Variants in NAV3 observed in about 807,000 individuals in gnomAD.
NAV3 encodes neuron navigator 3.
NAV3 carries 87 observed loss-of-function variants against 244.7 expected under a neutral mutation model. The ratio of observed to expected loss-of-function variants is 0.36; its 90% CI spans 0.30 to 0.42. The LOEUF is 0.42. NAV3 is among the 20% of genes least tolerant of loss of function. The pLI is 1.00. For missense variants in NAV3, 2,663 were observed against 2,893.3 expected, an observed-to-expected ratio of 0.92 and a Z score of 1.83; for synonymous variants, 1,126 against 1,042.2, an observed-to-expected ratio of 1.08 and a Z score of -1.55.
At chr12:77,862,261 A>G (rs2136345616) in intron 1 of NAV3, among the ~76,000 whole-genome samples, 1 of 151,940 alleles carries the variant, frequency 6.6e-6, no homozygotes, top group South Asian at 2.1e-4. Flanking sequence ...AGTTAAATAT[A>G]TAGAAGAGAG....
chr12:77,961,212 A>G lies in NAV3; in HGVS notation c.415-5017A>G, dbSNP rs910273310. Among the ~76,000 whole-genome samples the G allele has an allele frequency of 2.7e-5, 3 of 109,566 alleles. No individual in the cohort carries two copies. The East Asian group carries it at 7.6e-4, about 28-fold the overall frequency. The allele number at this position is 109,566 out of a possible 152,430, so 71.9% of individuals were successfully genotyped here. A position where few individuals can be genotyped will look rare whatever the true frequency, so the allele number is the denominator to read the frequency against. On this transcript the variant is annotated intron_variant, in intron 3 of 39. Transcript: ENST00000397909. ...AATATATAATATATATTTTAATAAC[A>G]GGTATTACTATATATGTAATAATAT...
At chr12:78,154,320 TA>T (rs1169021008) in intron 22 of NAV3, among the ~76,000 whole-genome samples, 2 of 74,118 alleles carry the variant, frequency 2.7e-5, no homozygotes, top group African/African-American at 8.6e-5. Context: ...ATAGTATATA[TA>T]TAGTATATAT....
At chr12:77,626,331 A>G (rs1444877062) in intron 2 of NAV3, among the ~76,000 whole-genome samples, 1 of 152,156 alleles carries the variant, frequency 6.6e-6, no homozygotes, top group East Asian at 1.9e-4. Context: ...TAAAGTGACC[A>G]ATTATATGAA....
intron 30 of NAV3, among the ~76,000 whole-genome samples, chr12:78,183,243 C>T (rs1245762533): frequency 6.6e-6 from 1 of 151,904 alleles, no homozygotes; most frequent in African/African-American, 2.4e-5. Context: ...GTTGTTTCAT[C>T]AGGTGACCAT....
rs66686266 is a variant in NAV3 at position 78,064,426 on chromosome 12, T to TCTGTCTGTCTGTCTGTCTGC, written c.2636+5314_2636+5315insTCTGTCTGTCTGTCTGCCTG. 1.7e-4 allele frequency among the ~76,000 whole-genome samples: 23 copies of TCTGTCTGTCTGTCTGTCTGC among 136,292 alleles called. No individual in the cohort carries two copies. In the Middle Eastern group the frequency reaches 0.011, roughly 66 times the overall value. 89.4% of individuals were successfully genotyped at this position (136,292 alleles called of 152,430 possible). Reference sequence around the variant, plus strand: ...GTCTGTCTGTCTGTCTGTCTGTCTGTCTGCCTGCCTGCCTGCCTGCCTGCC... The same window carrying TCTGTCTGTCTGTCTGTCTGC: ...GTCTGTCTGTCTGTCTGTCTGTCTGTCTGTCTGTCTGTCTGTCTGCCTGCCTGCCTGCCTGCCTGCCTGCC... On this transcript the variant is annotated intron_variant, in intron 12 of 39. Coordinates refer to ENST00000397909, the MANE Select transcript of NAV3 (RefSeq NM_001024383.2).
At chr12:77,960,232 A>C (rs1891761604) in intron 3 of NAV3, among the ~76,000 whole-genome samples, 1 of 151,818 alleles carries the variant, frequency 6.6e-6, no homozygotes, top group Non-Finnish European at 1.5e-5. Flanking sequence ...TAATTTGACT[A>C]CTAATATTAT....
At chr12:78,203,818 T>C (rs1417699879) in intron 38 of NAV3, among the ~76,000 whole-genome samples, 1 of 150,580 alleles carries the variant, frequency 6.6e-6, no homozygotes, top group South Asian at 2.1e-4. Context: ...TCACTTTTTT[T>C]CTGTGCCCTT....
Position 78,177,251 on chromosome 12 carries a change from G to A in NAV3, c.5235G>A (p.Lys1745=), listed in dbSNP as rs1958272353. ...ATTCATCCCTTCCGGCATCCCCCAA[G>A]TTACCCCATAATGCTGGTGACTGTG... The part of the protein sequence containing the change: ...LTDSSLPASP[K]LPHNAGDCGS... Residue 1745 remains lysine, a synonymous_variant, in exon 27 of 40, where the codon AAG becomes AAA. Transcript: ENST00000397909. 1.2e-6 allele frequency: 2 copies of A among 1,613,414 alleles called. No individual in the cohort carries two copies. Among genetic ancestry groups the A allele is most frequent in the African/African-American group, 2.7e-5 (2 of 74,856 alleles).
At chr12:78,135,381 A>AAATG (rs1210348609) in intron 18 of NAV3, among the ~76,000 whole-genome samples, 1 of 152,318 alleles carries the variant, frequency 6.6e-6, no homozygotes, top group East Asian at 1.9e-4. Flanking sequence ...AAGGGTTTGT[A>AAATG]AATGCAAACT....
chr12:77,593,753 C>A (rs746760260), intron 2 of NAV3, among the ~76,000 whole-genome samples: 7 of 151,210 alleles, frequency 4.6e-5, no homozygotes, highest in African/African-American at 1.7e-4. Context: ...GGATTAGAGG[C>A]GTGAGCCACC....
At chr12:77,627,612 C>G (rs973911613) in intron 2 of NAV3, among the ~76,000 whole-genome samples, 1 of 152,060 alleles carries the variant, frequency 6.6e-6, no homozygotes, top group Admixed American at 6.6e-5. Flanking sequence ...AGTTAGTAAA[C>G]AATGTGAAGG....
At chr12:77,578,120 ATATAATTT>A (rs1869178702) in intron 2 of NAV3, among the ~76,000 whole-genome samples, 1 of 152,218 alleles carries the variant, frequency 6.6e-6, no homozygotes, top group Admixed American at 6.5e-5. Context: ...CCTATTTTGC[ATATAATTT>A]TTTACAGTAT....
At chr12:77,599,669 T>C (rs1003488100) in intron 2 of NAV3, among the ~76,000 whole-genome samples, 1 of 151,860 alleles carries the variant, frequency 6.6e-6, no homozygotes, top group Non-Finnish European at 1.5e-5. Context: ...CCCTTTTTTT[T>C]ATCATCAGTT....
upstream of NAV3, among the ~76,000 whole-genome samples, chr12:77,825,964 A>T (rs573829604): frequency 6.6e-6 from 1 of 152,172 alleles, no homozygotes; most frequent in Admixed American, 6.5e-5. Flanking sequence ...AAAAATTCAA[A>T]TTAAAACTGC....
At chr12:78,004,374 C>A (rs980356622) in intron 7 of NAV3, among the ~76,000 whole-genome samples, 12 of 152,060 alleles carry the variant, frequency 7.9e-5, no homozygotes, top group Admixed American at 7.2e-4. Context: ...GGAGTGGAAG[C>A]AAATTGCTAT....
At chr12:78,150,639 AC>A in intron 22 of NAV3, among the ~76,000 whole-genome samples, 1 of 133,072 alleles carries the variant, frequency 7.5e-6, no homozygotes, top group Admixed American at 7.3e-5. Flanking sequence ...CCTCACACAC[AC>A]ACACACACAC....
chr12:77,609,792 T>C (rs971324544), intron 2 of NAV3, among the ~76,000 whole-genome samples: 2 of 152,006 alleles, frequency 1.3e-5, no homozygotes, highest in African/African-American at 4.8e-5. Context: ...CACAAGGCAA[T>C]CCTCAAGGTC....
chr12:77,816,826 T>C (rs1035074848), intron 2 of NAV3, among the ~76,000 whole-genome samples: 2 of 152,194 alleles, frequency 1.3e-5, no homozygotes, highest in Non-Finnish European at 2.9e-5. Flanking sequence ...TAGGACTTTA[T>C]GTTTTAGCTC....
chr12:77,703,651 G>T (rs899601480), intron 2 of NAV3, among the ~76,000 whole-genome samples: 1 of 152,042 alleles, frequency 6.6e-6, no homozygotes, highest in Non-Finnish European at 1.5e-5. Flanking sequence ...AACTATGAGG[G>T]TTCAAATTCC....
Sources: gnomAD v4.1 joint callset for allele counts (sites outside exome capture counted in the v4.1 genomes callset) on GRCh38, gnomAD v4.1.1 for gene constraint, MANE v1.5 for transcripts, NCBI Gene and HGNC (gene_info 2026-07-23, HGNC 2026-07-21) for gene names.